Variants in DOCK1 observed in about 807,000 individuals in gnomAD.
DOCK1 encodes the protein dedicator of cytokinesis protein 1.
A neutral mutation model predicts 262.7 loss-of-function variants in DOCK1; 138 were observed. The ratio of observed to expected loss-of-function variants is 0.53; its 90% CI spans 0.46 to 0.61. The LOEUF (loss-of-function observed/expected upper bound fraction) is 0.61, where lower values mean the gene tolerates loss of function less well. DOCK1 is among the 20% of genes least tolerant of loss of function. The probability of loss-of-function intolerance (pLI) is 0.00; values close to 1 mark genes in which losing one functional copy is unlikely to be tolerated. For missense variants in DOCK1, 1,908 were observed against 2,370.7 expected, an observed-to-expected ratio of 0.80 and a Z score of 4.05; for synonymous variants, 866 against 867.4, an observed-to-expected ratio of 1.00 and a Z score of 0.03.
At chr10:127,269,905 G>A (rs927106705) in intron 29 of DOCK1, among the ~76,000 whole-genome samples, 3 of 152,228 alleles carry the variant, frequency 2.0e-5, no homozygotes, top group Non-Finnish European at 4.4e-5. Flanking sequence ...AGAGCTTGAC[G>A]AGGAGGTCCT....
At chr10:127,199,552 G>A (rs2057362513) in intron 27 of DOCK1, among the ~76,000 whole-genome samples, 1 of 152,150 alleles carries the variant, frequency 6.6e-6, no homozygotes, top group African/African-American at 2.4e-5. Context: ...TGGCATGGAG[G>A]GCTTCTACAA....
Position 127,243,315 on chromosome 10 carries a change from G to A in DOCK1, c.2848-4693G>A, listed in dbSNP as rs80158868. On this transcript the variant is annotated intron_variant, in intron 27 of 51. Transcript: ENST00000623213. ...ATCCTGAGTTTCCATTCACCAGTCT[G>A]TGCTTTTGTTAGCCTTTTGTTTTTA... Among the ~76,000 whole-genome samples the A allele has an allele frequency of 3.2e-3, 492 of 152,220 alleles. 4 individuals are homozygous for A. The highest frequency in any genetic ancestry group is 0.019 in the South Asian group (91 of 4,826).
intron 29 of DOCK1, among the ~76,000 whole-genome samples, chr10:127,318,193 G>A (rs951862180): frequency 2.0e-5 from 3 of 152,242 alleles, no homozygotes; most frequent in East Asian, 1.9e-4. Context: ...TTCCCTATTC[G>A]GTGTGCATTG....
At chr10:127,050,704 G>GA (rs112955723) in intron 21 of DOCK1, among the ~76,000 whole-genome samples, 5,453 of 117,096 alleles carry the variant, frequency 0.047, 283 homozygotes, top group African/African-American at 0.14. Context: ...GACTCTGTCT[G>GA]AAAAAAAAAA....
chr10:127,335,555 T>G (rs1183034985), intron 29 of DOCK1, among the ~76,000 whole-genome samples: 1 of 128,970 alleles, frequency 7.8e-6, no homozygotes, highest in Non-Finnish European at 1.7e-5. Context: ...TAATAGATTT[T>G]TTTTTTTTTT....
At chr10:127,163,615 A>C (rs1226849939) in intron 27 of DOCK1, among the ~76,000 whole-genome samples, 1 of 152,158 alleles carries the variant, frequency 6.6e-6, no homozygotes, top group Non-Finnish European at 1.5e-5. Context: ...TGAAAGGGAA[A>C]ATAGGACTCT....
chr10:126,971,489 C>T (rs9733704), intron 2 of DOCK1, among the ~76,000 whole-genome samples: 1,590 of 152,194 alleles, frequency 0.01, 23 homozygotes, highest in African/African-American at 0.036. Context: ...CAGAGCTCAC[C>T]GCAGGCAGCC....
chr10:126,946,980 A>G (rs2134304564), intron 1 of DOCK1, among the ~76,000 whole-genome samples: 1 of 152,328 alleles, frequency 6.6e-6, no homozygotes, highest in South Asian at 2.1e-4. Flanking sequence ...GTGAGAATGC[A>G]GGTCTGATCC....
intron 38 of DOCK1, among the ~76,000 whole-genome samples, chr10:127,391,369 T>C (rs977481687): frequency 7.9e-5 from 12 of 151,756 alleles, no homozygotes; most frequent in Non-Finnish European, 1.6e-4. Flanking sequence ...AGGAGAGAGG[T>C]AGAAACAGGC....
At chr10:127,163,455 C>G (rs1040058345) in intron 27 of DOCK1, among the ~76,000 whole-genome samples, 3 of 152,132 alleles carry the variant, frequency 2.0e-5, no homozygotes, top group Non-Finnish European at 4.4e-5. Context: ...GGCGGGCAAA[C>G]TTTCAGTGCC....
At chr10:126,989,339 T>A (rs1210723746) in intron 5 of DOCK1, among the ~76,000 whole-genome samples, 3 of 152,146 alleles carry the variant, frequency 2.0e-5, no homozygotes, top group Non-Finnish European at 4.4e-5. Context: ...TATTTATTTA[T>A]TTTTTGAGAT....
At chr10:127,334,286 A>C (rs187201279) in intron 29 of DOCK1, among the ~76,000 whole-genome samples, 8 of 152,306 alleles carry the variant, frequency 5.3e-5, no homozygotes, top group East Asian at 1.9e-4. Context: ...TAATTGTACA[A>C]ATGTGTGTAT....
chr10:127,447,779 G>A (rs548702719), intron 51 of DOCK1, among the ~76,000 whole-genome samples: 1 of 152,320 alleles, frequency 6.6e-6, no homozygotes, highest in Non-Finnish European at 1.5e-5. Context: ...AGCACATTTT[G>A]ATATCATGCC....
chr10:127,121,958 G>A (rs1475063020), intron 25 of DOCK1, among the ~76,000 whole-genome samples: 2 of 152,136 alleles, frequency 1.3e-5, no homozygotes, highest in Non-Finnish European at 2.9e-5. Flanking sequence ...TTATGTGCTT[G>A]GATATGCCAT....
chr10:127,377,673 C>T (rs2065579407), intron 35 of DOCK1, among the ~76,000 whole-genome samples: 1 of 152,058 alleles, frequency 6.6e-6, no homozygotes, highest in Non-Finnish European at 1.5e-5. Context: ...GGGAGGATCA[C>T]TTGAGGTCAG....
chr10:127,252,271 A>G (rs2059678599), intron 28 of DOCK1, among the ~76,000 whole-genome samples: 1 of 149,076 alleles, frequency 6.7e-6, no homozygotes, highest in Admixed American at 6.8e-5. Context: ...AGTTCATTGT[A>G]GATTCTGGAT....
intron 27 of DOCK1, among the ~76,000 whole-genome samples, chr10:127,141,107 T>C (rs563981784): frequency 5.4e-4 from 82 of 152,230 alleles, no homozygotes; most frequent in Non-Finnish European, 1.0e-3. Context: ...GCTCATGGCA[T>C]GGCTGGCATT....
intron 13 of DOCK1, 49 bp from the exon 14 acceptor site, chr10:127,023,151 G>A (rs2050812): frequency 0.079 from 125,767 of 1,597,154 alleles, 6,173 homozygotes; most frequent in East Asian, 0.22. Flanking sequence ...TCACAATTAC[G>A]CTATTAATAA....
intron 46 of DOCK1, among the ~76,000 whole-genome samples, chr10:127,420,140 G>A (rs1336997787): frequency 1.3e-5 from 2 of 152,216 alleles, no homozygotes; most frequent in African/African-American, 2.4e-5. Context: ...ACGCATGTAC[G>A]TCAGAAGCTG....
Sources: allele counts gnomAD v4.1 joint callset (sites outside exome capture counted in the v4.1 genomes callset), GRCh38; gene constraint gnomAD v4.1.1; transcripts MANE v1.5; gene names NCBI Gene and HGNC (gene_info 2026-07-23, HGNC 2026-07-21).